GRIK2: variants seen among roughly 807,000 people sequenced by gnomAD.
GRIK2 encodes the protein glutamate ionotropic receptor kainate type subunit 2, also known as glutamate receptor ionotropic, kainate 2.
In GRIK2, 32 loss-of-function variants were observed where a neutral mutation model predicts 100.3. The ratio of observed to expected loss-of-function variants is 0.32; its 90% confidence interval spans 0.24 to 0.43. The LOEUF (loss-of-function observed/expected upper bound fraction) is 0.43, where lower values mean the gene tolerates loss of function less well. Among genes scored for constraint, GRIK2 ranks in the 20% least tolerant of loss-of-function variants. The pLI is 1.00. For missense variants in GRIK2, 843 were observed against 1,114.9 expected, an observed-to-expected ratio of 0.76 and a Z score of 3.47; for synonymous variants, 417 against 389.4, an observed-to-expected ratio of 1.07 and a Z score of -0.83.
chr6:101,877,118 T>C (rs1785906553), intron 11 of GRIK2, among the ~76,000 whole-genome samples: 1 of 151,830 alleles, frequency 6.6e-6, no homozygotes, highest in Admixed American at 6.6e-5. Flanking sequence ...GGTGCAATGT[T>C]ACAACTAAAC....
chr6:101,654,953 A>G (rs969805313), intron 4 of GRIK2, among the ~76,000 whole-genome samples: 1 of 152,168 alleles, frequency 6.6e-6, no homozygotes, highest in African/African-American at 2.4e-5. Flanking sequence ...TTTGCAGATG[A>G]CATATATATG....
intron 7 of GRIK2, chr6:101,745,033 G>T (rs1043895333): frequency 1.3e-5 from 2 of 151,786 alleles, no homozygotes; most frequent in African/African-American, 4.9e-5. Flanking sequence ...ATAACTAAAG[G>T]GAAATTATTT....
intron 2 of GRIK2, among the ~76,000 whole-genome samples, chr6:101,619,810 T>A (rs1242560223): frequency 3.9e-5 from 6 of 152,128 alleles, no homozygotes; most frequent in Non-Finnish European, 7.4e-5. Context: ...GACTGAAATT[T>A]TGCAGAAAAC....
intron 7 of GRIK2, among the ~76,000 whole-genome samples, chr6:101,726,192 GCAAA>G (rs1266343146): frequency 2.0e-5 from 3 of 151,928 alleles, no homozygotes; most frequent in African/African-American, 4.8e-5. Context: ...AACGCTTTAT[GCAAA>G]CAGTGTCCAG....
At chr6:101,545,083 A>G (rs945358276) in intron 2 of GRIK2, among the ~76,000 whole-genome samples, 1 of 152,086 alleles carries the variant, frequency 6.6e-6, no homozygotes, top group South Asian at 2.1e-4. Context: ...TTTCCCCTGA[A>G]GTTTCTCCTC....
chr6:101,584,250 A>C (rs1384876045), intron 2 of GRIK2, among the ~76,000 whole-genome samples: 17 of 152,120 alleles, frequency 1.1e-4, no homozygotes, highest in Admixed American at 1.1e-3. Flanking sequence ...CAATATTAAA[A>C]TAAGGCAAAC....
intron 14 of GRIK2, among the ~76,000 whole-genome samples, chr6:101,997,642 G>A (rs1794718791): frequency 6.6e-6 from 1 of 151,934 alleles, no homozygotes; most frequent in East Asian, 1.9e-4. Context: ...TCAATTTGTG[G>A]TGCCAGTTAA....
At chr6:101,541,727 G>A (rs779109645) in intron 2 of GRIK2, among the ~76,000 whole-genome samples, 11 of 151,432 alleles carry the variant, frequency 7.3e-5, no homozygotes, top group Admixed American at 6.6e-4. Context: ...TAGATACGAG[G>A]GATGCAATTT....
intron 11 of GRIK2, among the ~76,000 whole-genome samples, chr6:101,881,048 C>T (rs1286474706): frequency 1.3e-5 from 2 of 151,870 alleles, no homozygotes; most frequent in Non-Finnish European, 2.9e-5. Context: ...AGTCACTCTA[C>T]AAACTTAGGC....
Position 101,661,512 on chromosome 6 carries a change from C to T in GRIK2, c.542-15111C>T, listed in dbSNP as rs76655609. Among the ~76,000 whole-genome samples, 47 of 152,100 alleles carry T rather than the reference C, an allele frequency of 3.1e-4. No individual in the cohort carries two copies. The East Asian group carries it at 8.8e-3, about 28-fold the overall frequency. On this transcript the variant is annotated intron_variant, in intron 4 of 16. Coordinates refer to ENST00000369134, the MANE Select transcript of GRIK2 (RefSeq NM_021956.5). The stretch of plus-strand genomic sequence containing the variant: ...TCTGTCTTGCTGGCATTGCAGGTGT[C>T]ACTGTGGTAAGAAAAAACACTCCTG...
chr6:101,911,394 T>A (rs956780357), intron 12 of GRIK2, among the ~76,000 whole-genome samples: 1 of 151,584 alleles, frequency 6.6e-6, no homozygotes, highest in East Asian at 1.9e-4. Context: ...AATATTATTA[T>A]TTATAGTTTT....
In GRIK2 at chr6:101,475,325, C is replaced by T. The variant is rs2852530; in HGVS notation, c.115+75933C>T. Among the ~76,000 whole-genome samples, 1,141 of 151,840 alleles carry T rather than the reference C, an allele frequency of 7.5e-3. 8 individuals are homozygous for T. The highest frequency in any genetic ancestry group is 0.027 in the Middle Eastern group (8 of 294). ...AGCACATCACTGAATTTATTTTTGACATTGCAAATATTGTATTTGTCAGAG... is the reference window on the plus strand; with the variant it reads ...AGCACATCACTGAATTTATTTTTGATATTGCAAATATTGTATTTGTCAGAG... On this transcript the variant is annotated intron_variant, in intron 2 of 16. Transcript: ENST00000369134.
At chr6:101,563,250 T>G (rs1777108675) in intron 2 of GRIK2, among the ~76,000 whole-genome samples, 1 of 152,220 alleles carries the variant, frequency 6.6e-6, no homozygotes, top group African/African-American at 2.4e-5. Flanking sequence ...TGCTTTTTGG[T>G]TCTATTAAGT....
intron 4 of GRIK2, among the ~76,000 whole-genome samples, chr6:101,639,366 C>T (rs1781177017): frequency 1.3e-5 from 2 of 152,110 alleles, no homozygotes; most frequent in Non-Finnish European, 2.9e-5. Context: ...GTTATGTTGA[C>T]CTAGTGTATC....
At chr6:101,683,550 C>G (rs1771447150) in intron 6 of GRIK2, among the ~76,000 whole-genome samples, 1 of 152,150 alleles carries the variant, frequency 6.6e-6, no homozygotes, top group African/African-American at 2.4e-5. Context: ...ACAGCTGTCT[C>G]TTTACTAATT....
chr6:101,720,372 T>C (rs1316399659), intron 7 of GRIK2, among the ~76,000 whole-genome samples: 1 of 152,068 alleles, frequency 6.6e-6, no homozygotes, highest in Admixed American at 6.6e-5. Flanking sequence ...TCTCATACCA[T>C]ATATGTTGAA....
intron 4 of GRIK2, among the ~76,000 whole-genome samples, chr6:101,675,645 A>G (rs1319555112): frequency 2.0e-5 from 3 of 152,064 alleles, no homozygotes; most frequent in African/African-American, 7.2e-5. Flanking sequence ...ACATTCAATA[A>G]TTTTTCTCTT....
At chr6:101,955,615 T>TCTCTCTCTCTCTCTCTCTCTC (rs1405718742) in intron 14 of GRIK2, among the ~76,000 whole-genome samples, 1 of 93,140 alleles carries the variant, frequency 1.1e-5, no homozygotes, top group African/African-American at 4.2e-5. Flanking sequence ...TCTCTCTCTC[T>TCTCTCTCTCTCTCTCTCTCTC]CCCCCCCATT....
In GRIK2 at chr6:101,625,939, G is replaced by T. The variant is rs190547429; in HGVS notation, c.284-441G>T. Among the ~76,000 whole-genome samples, 14 of 152,264 alleles carry T rather than the reference G, an allele frequency of 9.2e-5. 1 individual carries two copies. Among genetic ancestry groups the T allele is most frequent in the Admixed American group, 8.5e-4 (13 of 15,274 alleles). On this transcript the variant is annotated intron_variant, in intron 3 of 16. Coordinates refer to ENST00000369134, the MANE Select transcript of GRIK2 (RefSeq NM_021956.5). ...GATAGGTGGAAATGTTCATCTGTGT[G>T]TGAGCATAGCTAATTGCACGAGTAA...
Sources: allele counts gnomAD v4.1 joint callset (sites outside exome capture counted in the v4.1 genomes callset), GRCh38; gene constraint gnomAD v4.1.1; transcripts MANE v1.5; gene names NCBI Gene and HGNC (gene_info 2026-07-23, HGNC 2026-07-21).